LRRC4C: variants seen among roughly 807,000 people sequenced by gnomAD.
LRRC4C encodes leucine-rich repeat-containing protein 4C.
A neutral mutation model predicts 33.6 loss-of-function variants in LRRC4C; 5 were observed. The ratio of observed to expected loss-of-function variants is 0.15; its 90% CI spans 0.08 to 0.31. The LOEUF (loss-of-function observed/expected upper bound fraction) is 0.31, where lower values mean the gene tolerates loss of function less well. Among genes scored for constraint, LRRC4C ranks in the 10% least tolerant of loss-of-function variants. LRRC4C has a pLI of 1.00. For synonymous variants in LRRC4C, 329 were observed against 302.0 expected (o/e 1.09, Z -0.93); for missense variants, 560 against 796.7 (o/e 0.70, Z 3.58).
At chr11:40,364,843 ACTT>A (rs1340348318) in intron 3 of LRRC4C, among the ~76,000 whole-genome samples, 1 of 151,988 alleles carries the variant, frequency 6.6e-6, no homozygotes, top group African/African-American at 2.4e-5. Context: ...AAAAAGACAG[ACTT>A]CTTATTGGGA....
At chr11:41,166,015 G>A (rs1185482331) in intron 1 of LRRC4C, among the ~76,000 whole-genome samples, 1 of 146,796 alleles carries the variant, frequency 6.8e-6, no homozygotes, top group Non-Finnish European at 1.5e-5. Context: ...TCGGCAACAA[G>A]AGCGAAATTC....
intron 2 of LRRC4C, among the ~76,000 whole-genome samples, chr11:40,733,136 C>T (rs1157192051): frequency 8.6e-6 from 1 of 116,672 alleles, no homozygotes; most frequent in Non-Finnish European, 1.6e-5. Context: ...AGTAGCGTGG[C>T]GAGATCTCGG....
At chr11:41,037,339 A>AT (rs1423790021) in intron 1 of LRRC4C, among the ~76,000 whole-genome samples, 1 of 145,030 alleles carries the variant, frequency 6.9e-6, no homozygotes, top group Non-Finnish European at 1.5e-5. Flanking sequence ...TTTCTTATTT[A>AT]TTTTTTTGTT....
intron 1 of LRRC4C, among the ~76,000 whole-genome samples, chr11:41,253,822 T>G (rs1321500020): frequency 1.3e-5 from 2 of 152,008 alleles, no homozygotes; most frequent in Non-Finnish European, 2.9e-5. Flanking sequence ...TCTAAAAGAG[T>G]CAAAAGACTA....
intron 1 of LRRC4C, among the ~76,000 whole-genome samples, chr11:41,014,584 TG>T (rs1855448493): frequency 6.6e-6 from 1 of 151,728 alleles, no homozygotes; most frequent in Admixed American, 6.6e-5. Flanking sequence ...AAGATAAACC[TG>T]GAGGCCCACA....
At chr11:40,128,754 G>T (rs1856441384) in intron 6 of LRRC4C, among the ~76,000 whole-genome samples, 1 of 151,988 alleles carries the variant, frequency 6.6e-6, no homozygotes, top group Admixed American at 6.5e-5. Context: ...CAGGACCTTT[G>T]TACTAGGATT....
chr11:40,231,321 T>C (rs1452476), intron 5 of LRRC4C, among the ~76,000 whole-genome samples: 116,078 of 152,014 alleles, frequency 0.76, 48,696 homozygotes, highest in East Asian at 0.96. Flanking sequence ...TTTATCAAAA[T>C]TGGCTGTAAG....
chr11:40,278,097 C>G (rs1943240023), intron 4 of LRRC4C, among the ~76,000 whole-genome samples: 1 of 152,162 alleles, frequency 6.6e-6, no homozygotes, highest in Non-Finnish European at 1.5e-5. Context: ...TAAGTAAGTA[C>G]AGTGTTCCCA....
intron 3 of LRRC4C, among the ~76,000 whole-genome samples, chr11:40,559,181 CTTTTT>C (rs71060968): frequency 8.0e-6 from 1 of 124,660 alleles, no homozygotes; most frequent in Non-Finnish European, 1.7e-5. Context: ...TTGCATGCGT[CTTTTT>C]TTTTTTTTTT....
intron 1 of LRRC4C, among the ~76,000 whole-genome samples, chr11:40,947,823 G>A (rs1386053922): frequency 1.3e-5 from 2 of 152,008 alleles, no homozygotes; most frequent in Admixed American, 6.6e-5. Flanking sequence ...TGTGTCCCCT[G>A]TCCTCAGACT....
At chr11:41,155,579 G>T (rs928907291) in intron 1 of LRRC4C, among the ~76,000 whole-genome samples, 3 of 152,084 alleles carry the variant, frequency 2.0e-5, no homozygotes, top group African/African-American at 7.2e-5. Flanking sequence ...TCCGTTGAGA[G>T]ATTTTGGATT....
Position 41,177,393 on chromosome 11 carries a change from G to A in LRRC4C, c.-495-243670C>T, listed in dbSNP as rs1475763019. On this transcript the variant is annotated intron_variant, in intron 1 of 6. Coordinates refer to ENST00000528697, the MANE Select transcript of LRRC4C (RefSeq NM_001258419.2). ...CTTTTCCTACTTATGAGTACTGAGA[G>A]TCCAAGTTGGTATTCATTTCAGTAC... 4.6e-5 allele frequency among the ~76,000 whole-genome samples: 7 copies of A among 152,284 alleles called. No individual in the cohort carries two copies. The East Asian group carries it at 1.4e-3, about 29-fold the overall frequency.
chr11:41,183,067 T>C (rs1171139276), intron 1 of LRRC4C, among the ~76,000 whole-genome samples: 1 of 152,004 alleles, frequency 6.6e-6, no homozygotes, highest in Non-Finnish European at 1.5e-5. Flanking sequence ...CCCACCCCCA[T>C]GATTTAATTA....
intron 2 of LRRC4C, among the ~76,000 whole-genome samples, chr11:40,720,794 T>C (rs768867214): frequency 6.6e-6 from 1 of 152,316 alleles, no homozygotes; most frequent in Non-Finnish European, 1.5e-5. Context: ...CAGAATAAAA[T>C]CTTGGTGATT....
intron 2 of LRRC4C, among the ~76,000 whole-genome samples, chr11:40,799,030 C>T (rs959252600): frequency 6.6e-6 from 1 of 152,106 alleles, no homozygotes; most frequent in Non-Finnish European, 1.5e-5. Flanking sequence ...GAAATAAAAT[C>T]ACATTGTTCT....
At chr11:40,227,779 G>C (rs1377647897) in intron 5 of LRRC4C, among the ~76,000 whole-genome samples, 1 of 152,054 alleles carries the variant, frequency 6.6e-6, no homozygotes, top group African/African-American at 2.4e-5. Context: ...TCCTAAACAT[G>C]GTTCTTTGAA....
At chr11:40,481,182 G>C (rs1565432121) in intron 3 of LRRC4C, among the ~76,000 whole-genome samples, 1 of 152,148 alleles carries the variant, frequency 6.6e-6, no homozygotes, top group South Asian at 2.1e-4. Flanking sequence ...GCAGTGTGTG[G>C]GAAGTTGCTT....
chr11:40,649,298 G>A (rs549251021), intron 2 of LRRC4C, among the ~76,000 whole-genome samples: 21 of 152,120 alleles, frequency 1.4e-4, no homozygotes, highest in East Asian at 3.9e-4. Context: ...CAGAGCGGCC[G>A]TTTATAGACC....
At chr11:40,420,404 G>C (rs1950480759) in intron 3 of LRRC4C, among the ~76,000 whole-genome samples, 1 of 152,156 alleles carries the variant, frequency 6.6e-6, no homozygotes, top group Non-Finnish European at 1.5e-5. Flanking sequence ...TGGCAAACCA[G>C]GACTTTTCCA....
Sources: gnomAD v4.1 joint callset for allele counts (sites outside exome capture counted in the v4.1 genomes callset) on GRCh38, gnomAD v4.1.1 for gene constraint, MANE v1.5 for transcripts, NCBI Gene and HGNC (gene_info 2026-07-23, HGNC 2026-07-21) for gene names.